PTGS2: variants seen among roughly 807,000 people sequenced by gnomAD.
PTGS2 encodes prostaglandin G/H synthase 2.
PTGS2 carries 14 observed loss-of-function variants against 63.8 expected under a neutral mutation model. The ratio of observed to expected loss-of-function variants is 0.22; its 90% confidence interval spans 0.14 to 0.34. The LOEUF (loss-of-function observed/expected upper bound fraction) is 0.34, where lower values mean the gene tolerates loss of function less well. PTGS2 is among the 10% of genes least tolerant of loss of function. The pLI is 1.00. For synonymous variants in PTGS2, 271 were observed against 259.5 expected (o/e 1.04, Z -0.43); for missense variants, 533 against 738.5 (o/e 0.72, Z 3.23).
rs3218622 is a variant in PTGS2, at chr1:186,676,873, C to T, written c.683G>A (p.Arg228His). The change falls in exon 6 of 10, where the codon CGT (arginine) becomes CAT (histidine). Residue 228 changes from arginine (R) to histidine (H), a missense_variant. Transcript: ENST00000367468. ...TCCATCCTTGAAAAGGCGCAGTTTA[C>T]GCTGTCTAGCCAGAGTTTCACCGTA... is the stretch of plus-strand genomic sequence containing the variant. Reference protein sequence around the residue: ...HIYGETLARQRKLRLFKDGKM... With the variant: ...HIYGETLARQHKLRLFKDGKM... 4.6e-4 allele frequency: 745 copies of T among 1,609,950 alleles called. 5 individuals carry two copies. The East Asian group carries it at 9.9e-3, about 21-fold the overall frequency.
In PTGS2 at chr1:186,672,009, A is replaced by G. The variant is rs1226786882; in HGVS notation, c.*2344T>C. On this transcript the variant is annotated 3_prime_UTR_variant, in exon 10 of 10. Coordinates refer to ENST00000367468, the MANE Select transcript of PTGS2 (RefSeq NM_000963.4). ...GTTTTTTTTTTAAAAAAAACAGTGAACAGTGTTTTATACAAGCATATTGAC... is the reference window on the plus strand; with the variant it reads ...GTTTTTTTTTTAAAAAAAACAGTGAGCAGTGTTTTATACAAGCATATTGAC... 6.6e-6 allele frequency: 1 copy of G among 152,078 alleles called. No homozygotes were observed. Among genetic ancestry groups the G allele is most frequent in the Non-Finnish European group, 1.5e-5 (1 of 67,968 alleles). 9.4% of individuals were successfully genotyped at this position (152,078 alleles called of 1,614,324 possible).
Position 186,675,326 on chromosome 1 carries a change from T to C in PTGS2, c.1328A>G (p.Gln443Arg). Residue 443 changes from glutamine (Q) to arginine (R), a missense_variant, in exon 9 of 10, where the codon CAG becomes CGG. Physicochemically the swap from Gln to Arg is conservative, Grantham distance 43. Transcript: ENST00000367468. ...CTCATTAAAAGACTGGTATTTCATC[T>C]GCCTGCTCTGGTCAATGGAAGCCTG... is the stretch of plus-strand genomic sequence containing the variant. ...VSQASIDQSR[Q>R]MKYQSFNEYR... 1 of 1,614,234 alleles carries C rather than the reference T, an allele frequency of 6.2e-7. No individual in the cohort carries two copies. The highest frequency in any genetic ancestry group is 8.5e-7 in the Non-Finnish European group (1 of 1,180,036).
rs769129515 is a variant in PTGS2 at position 186,679,425 on chromosome 1, A to G, written c.66T>C (p.Cys22=). 2.2e-5 allele frequency: 36 copies of G among 1,613,784 alleles called. No homozygotes were observed. In the South Asian group the frequency reaches 3.7e-4, roughly 17 times the overall value. Residue 22 remains cysteine (C), a synonymous_variant, in exon 2 of 10, where the codon TGT becomes TGC. Coordinates refer to ENST00000367468, the MANE Select transcript of PTGS2 (RefSeq NM_000963.4). ...LALSHTANPC[C]SHPCQNRGVC... ...CACCTCGGTTTTGACATGGGTGGGA[A>G]CAGCAAGGATTTGCTGCAATTAAAG...
intron 3 of PTGS2, 21 bp from the exon 4 acceptor site, chr1:186,678,425 A>T: frequency 6.4e-7 from 1 of 1,572,378 alleles, no homozygotes; most frequent in Non-Finnish European, 8.6e-7. Flanking sequence ...CAAAGAAAAA[A>T]ATGTTTTATT....
chr1:186,675,488 G>T, intron 8 of PTGS2, 92 bp from the exon 9 acceptor site: 2 of 1,411,286 alleles, frequency 1.4e-6, no homozygotes, highest in Non-Finnish European at 1.9e-6. Context: ...AGGTAAAACT[G>T]AAACTCCCAG....
chr1:186,672,120 T>G lies in PTGS2; in HGVS notation c.*2233A>C, dbSNP rs199854202. 4 of 152,238 alleles carry G rather than the reference T, an allele frequency of 2.6e-5. No individual in the cohort carries two copies. In the South Asian group the frequency reaches 8.3e-4, roughly 32 times the overall value. 9.4% of individuals were successfully genotyped at this position (152,238 alleles called of 1,614,324 possible). ...TATCTTTAATGATATTTATTTCATTTTCTCCCTCTTCCCAAAAGAAAATTT... is the reference window on the plus strand; with the variant it reads ...TATCTTTAATGATATTTATTTCATTGTCTCCCTCTTCCCAAAAGAAAATTT... On this transcript the variant is annotated 3_prime_UTR_variant, in exon 10 of 10. Transcript: ENST00000367468.
chr1:186,676,252 T>C, intron 7 of PTGS2, 68 bp from the exon 8 acceptor site: 1 of 1,465,984 alleles, frequency 6.8e-7, no homozygotes, highest in Non-Finnish European at 9.1e-7. Flanking sequence ...GCAACTGGAA[T>C]GCAATTTTTA....
At position 186,679,047 on chromosome 1, in the gene PTGS2, CT is replaced by C. The variant is rs1558250839; in HGVS notation, c.313+10del. The C allele has an allele frequency of 6.2e-7, 1 of 1,609,416 alleles. No homozygotes were observed. The highest frequency in any genetic ancestry group is 2.2e-5 in the East Asian group (1 of 44,836). On this transcript the variant is annotated intron_variant, in intron 3 of 9. Transcript: ENST00000367468. ...GAAGGCTAAAAACCTTAGAAAGACA[CT>C]TGTACTTACATGTCAACACATAACT...
intron 1 of PTGS2, 24 bp downstream of exon 1, chr1:186,680,215 C>G (rs200797850): frequency 6.5e-7 from 1 of 1,549,478 alleles, no homozygotes. Context: ...CCGGAGTCCC[C>G]GGTGCGCGGC....
chr1:186,676,176 T>C lies in PTGS2; in HGVS notation c.979A>G (p.Ile327Val). The change falls in exon 8 of 10, where the codon ATT becomes GTT. Residue 327 changes from isoleucine (I) to valine (V), a missense_variant. Around this residue, in one of 5 missense-constraint regions of PTGS2, gnomAD observed 67 missense variants for 152.6 expected, o/e 0.44. Coordinates refer to ENST00000367468, the MANE Select transcript of PTGS2 (RefSeq NM_000963.4). ...TSRLILIGET[I>V]KIVIEDYVQH... ...ACATAATCTTCAATCACAATCTTAA[T>C]AGTCTCTCCTATTTGCACAAAATAA... is the stretch of plus-strand genomic sequence containing the variant. 1 of 1,606,602 alleles carries C rather than the reference T, an allele frequency of 6.2e-7. No homozygotes were observed. The highest frequency in any genetic ancestry group is 8.5e-7 in the Non-Finnish European group (1 of 1,174,594).
rs1247982401 is a variant in PTGS2 at position 186,679,064 on chromosome 1, A to G, written c.307T>C (p.Leu103=). Residue 103 remains leucine, a synonymous_variant, in exon 3 of 10, where the codon TTG becomes CTG. Transcript: ENST00000367468. ...FLRNAIMSYV[L]TSRSHLIDSP... is the part of the protein sequence containing the mutation. ...GAAAGACACTTGTACTTACATGTCA[A>G]CACATAACTCATAATTGCATTTCGA... The G allele has an allele frequency of 6.2e-7, 1 of 1,613,520 alleles. No homozygotes were observed. Among genetic ancestry groups the G allele is most frequent in the African/African-American group, 1.3e-5 (1 of 74,910 alleles).
chr1:186,678,496 C>G, intron 3 of PTGS2, 92 bp from the exon 4 acceptor site: 1 of 1,238,010 alleles, frequency 8.1e-7, no homozygotes, highest in Non-Finnish European at 1.1e-6. Flanking sequence ...AAAGTGGCAC[C>G]TGAGGTTGAA....
intron 3 of PTGS2, 144 bp from the exon 4 acceptor site, chr1:186,678,548 A>G: frequency 1.4e-6 from 1 of 725,662 alleles, no homozygotes; most frequent in East Asian, 2.8e-5. Context: ...AAACAACTAC[A>G]CTTTATAGTC....
At position 186,677,686 on chromosome 1, in the gene PTGS2, T is replaced by A. The variant is rs753612005; in HGVS notation, c.602A>T (p.Lys201Met). The A allele has an allele frequency of 1.8e-5, 29 of 1,613,674 alleles. No individual in the cohort carries two copies. Among genetic ancestry groups the A allele is most frequent in the Non-Finnish European group, 1.6e-5 (19 of 1,179,834 alleles). The change falls in exon 5 of 10, where the codon AAG (lysine) becomes ATG (methionine). Residue 201 changes from lysine to methionine, a missense_variant. Lys to Met is a moderately conservative substitution (Grantham distance 95, BLOSUM62 -1). Transcript: ENST00000367468. ...FTHQFFKTDHKRGPAFTNGLG... is the reference protein window; with the variant it reads ...FTHQFFKTDHMRGPAFTNGLG... ...CCCGTTGGTGAAAGCTGGCCCTCGC[T>A]TATGATCTGTCTTGAAAAACTGATG...
At chr1:186,677,851 G>A in intron 4 of PTGS2, 21 bp from the exon 5 acceptor site, 2 of 1,608,968 alleles carry the variant, frequency 1.2e-6, no homozygotes, top group Non-Finnish European at 1.7e-6. Flanking sequence ...AGAAAGCTAA[G>A]GTAAGAATCC....
rs1000808915 is a variant in PTGS2, at chr1:186,672,081, A to T, written c.*2272T>A. ...CATTCTAAACGTAAAATTGTAAAGA[A>T]GATTCTCCTGAGTTATCTTTAATGA... On this transcript the variant is annotated 3_prime_UTR_variant, in exon 10 of 10. Coordinates refer to ENST00000367468, the MANE Select transcript of PTGS2 (RefSeq NM_000963.4). 2 of 152,104 alleles carry T rather than the reference A, an allele frequency of 1.3e-5. No homozygotes were observed. Among genetic ancestry groups the T allele is most frequent in the Non-Finnish European group, 2.9e-5 (2 of 67,970 alleles). 9.4% of individuals were successfully genotyped at this position (152,104 alleles called of 1,614,324 possible). A position where few individuals can be genotyped will look rare whatever the true frequency, so the allele number is the denominator to read the frequency against.
intron 8 of PTGS2, 169 bp downstream of exon 8, chr1:186,675,729 A>G: frequency 1.3e-6 from 1 of 787,790 alleles, no homozygotes; most frequent in East Asian, 2.8e-5. Flanking sequence ...AGACTAGACT[A>G]AAAGTTTAGA....
At position 186,673,077 on chromosome 1, in the gene PTGS2, A is replaced by C. The variant is rs986943163; in HGVS notation, c.*1276T>G. On this transcript the variant is annotated 3_prime_UTR_variant, in exon 10 of 10. Coordinates refer to ENST00000367468, the MANE Select transcript of PTGS2 (RefSeq NM_000963.4). Reference sequence around the variant, plus strand: ...AAGTGATGAGAAGACTGTGTCTCTTAGCAAAATGGCTAAAAGAAGAAAAGA... The same window carrying C: ...AAGTGATGAGAAGACTGTGTCTCTTCGCAAAATGGCTAAAAGAAGAAAAGA... The C allele has an allele frequency of 3.3e-5, 5 of 152,170 alleles. No individual in the cohort carries two copies. Among genetic ancestry groups the C allele is most frequent in the African/African-American group, 1.2e-4 (5 of 41,452 alleles). The allele number at this position is 152,170 out of a possible 1,614,324, so 9.4% of individuals were successfully genotyped here.
In PTGS2 at chr1:186,675,519, T is replaced by C. The variant is rs574094306; in HGVS notation, c.1258-123A>G. 7.3e-4 allele frequency: 815 copies of C among 1,122,378 alleles called. 9 individuals carry two copies. In the African/African-American group the frequency reaches 0.011, roughly 16 times the overall value. 69.5% of individuals were successfully genotyped at this position (1,122,378 alleles called of 1,614,324 possible). A position where few individuals can be genotyped will look rare whatever the true frequency, so the allele number is the denominator to read the frequency against. On this transcript the variant is annotated intron_variant, in intron 8 of 9. Transcript: ENST00000367468. Reference sequence around the variant, plus strand: ...CCCAGCGGAGACAATTTTTATTTGCTGGAAAGATGCTTACCTACATTTCAA... The same window carrying C: ...CCCAGCGGAGACAATTTTTATTTGCCGGAAAGATGCTTACCTACATTTCAA...
Sources: gnomAD v4.1 joint callset for allele counts on GRCh38, gnomAD v4.1.1 for gene constraint, gnomAD v4.1.1 regional missense constraint, MANE v1.5 for transcripts, NCBI Gene and HGNC (gene_info 2026-07-23, HGNC 2026-07-21) for gene names.